RHOBTB2: variants seen among roughly 807,000 people sequenced by gnomAD.
The protein encoded by RHOBTB2 is rho-related BTB domain-containing protein 2.
RHOBTB2 carries 39 observed loss-of-function variants against 66.5 expected under a neutral mutation model. The ratio of observed to expected loss-of-function variants is 0.59; its 90% CI spans 0.45 to 0.77. The LOEUF is 0.77. Ranked by LOEUF, RHOBTB2 falls within the 30% of genes least tolerant of loss-of-function variation. The pLI, the probability that RHOBTB2 is intolerant of heterozygous loss-of-function variation, is 0.00. For missense variants in RHOBTB2, 755 were observed against 999.1 expected, an observed-to-expected ratio of 0.76 and a Z score of 3.29; for synonymous variants, 390 against 395.0, an observed-to-expected ratio of 0.99 and a Z score of 0.15.
chr8:23,004,371 C>T lies in RHOBTB2; in HGVS notation c.-10-54C>T. On this transcript the variant is annotated intron_variant, in intron 1 of 9. Coordinates refer to ENST00000251822, the MANE Select transcript of RHOBTB2 (RefSeq NM_015178.3). This position sits in a 1 kb window ranked among gnomAD's most constrained non-coding sequence, Gnocchi z 6.4. Reference sequence around the variant, plus strand: ...GAGAGCTGCGGGTGCTGGCCCTGGCCCACGGCGAGCTGGCATGCCATGCCG... The same window carrying T: ...GAGAGCTGCGGGTGCTGGCCCTGGCTCACGGCGAGCTGGCATGCCATGCCG... The T allele has an allele frequency of 1.3e-6, 2 of 1,507,954 alleles. No homozygotes were observed. Among genetic ancestry groups the T allele is most frequent in the Non-Finnish European group, 1.8e-6 (2 of 1,085,762 alleles). 93.4% of individuals were successfully genotyped at this position (1,507,954 alleles called of 1,614,324 possible).
upstream of RHOBTB2, among the ~76,000 whole-genome samples, chr8:22,996,553 G>T (rs940394084): frequency 7.0e-4 from 85 of 120,884 alleles, no homozygotes; most frequent in African/African-American, 3.0e-3. Flanking sequence ...GTGTGTGTGT[G>T]TGTGTGTGTG....
At chr8:22,975,474 C>T in the RHOBTB2 span, among the ~76,000 whole-genome samples, 446 of 152,196 alleles carry the variant, frequency 2.9e-3, 3 homozygotes, top group Middle Eastern at 0.017. Context: ...TTGGTGCATG[C>T]GGTGTGTTTC....
the RHOBTB2 span, among the ~76,000 whole-genome samples, chr8:22,952,077 G>A: frequency 1.3e-5 from 2 of 152,154 alleles, no homozygotes; most frequent in East Asian, 1.9e-4. Context: ...CCTTCACCAG[G>A]CATTCCCTAC....
At chr8:22,993,356 G>A (rs1810470400) in intron 2 of RHOBTB2, among the ~76,000 whole-genome samples, 1 of 152,108 alleles carries the variant, frequency 6.6e-6, no homozygotes, top group Non-Finnish European at 1.5e-5. Context: ...TGGGGGATTA[G>A]GCCCTTACTC....
chr8:22,956,589 A>G, the RHOBTB2 span, among the ~76,000 whole-genome samples: 12 of 152,298 alleles, frequency 7.9e-5, no homozygotes, highest in Admixed American at 4.6e-4. Context: ...CTTCCTGTAC[A>G]GCCTGTGGAA....
At chr8:22,971,754 T>C in the RHOBTB2 span, among the ~76,000 whole-genome samples, 2 of 152,194 alleles carry the variant, frequency 1.3e-5, no homozygotes, top group Admixed American at 6.5e-5. Context: ...GTCTATCCTT[T>C]GAATGTGACT....
chr8:22,960,963 G>A, the RHOBTB2 span, among the ~76,000 whole-genome samples: 1 of 152,168 alleles, frequency 6.6e-6, no homozygotes, highest in East Asian at 1.9e-4. Context: ...TTGTTAGCCT[G>A]CTTGTAACCA....
At chr8:22,994,758 A>G (rs1810502533), upstream of RHOBTB2, 1 of 715,094 alleles carries the variant, frequency 1.4e-6, no homozygotes, top group Non-Finnish European at 2.4e-6. Context: ...CTAGACCAAC[A>G]TAAAAAAAAA....
chr8:22,963,722 C>T, the RHOBTB2 span, among the ~76,000 whole-genome samples: 1 of 151,862 alleles, frequency 6.6e-6, no homozygotes, highest in Admixed American at 6.6e-5. Flanking sequence ...TGGATGGTGG[C>T]AGGCAAAAAA....
the RHOBTB2 span, among the ~76,000 whole-genome samples, chr8:22,975,478 G>A: frequency 2.0e-5 from 3 of 152,192 alleles, no homozygotes; most frequent in Admixed American, 2.0e-4. Context: ...TGCATGCGGT[G>A]TGTTTCATGT....
intron 9 of RHOBTB2, among the ~76,000 whole-genome samples, chr8:23,016,131 A>G (rs957442854): frequency 6.6e-6 from 1 of 152,214 alleles, no homozygotes; most frequent in Admixed American, 6.5e-5. Context: ...GAATGGGTAC[A>G]GGCCACAGCT....
rs2128803423 is a variant in RHOBTB2, at chr8:23,004,699, T to C, written c.192+73T>C. ...GCTTGGGGGCTTCCTGAGGCATAGC[T>C]TGGTGTCTCCAGAGCTCACGGGAGC... On this transcript the variant is annotated intron_variant, in intron 2 of 9. Transcript: ENST00000251822. The surrounding 1 kb of genome is among the most constrained non-coding windows in gnomAD (Gnocchi z 6.4). The C allele has an allele frequency of 1.2e-5, 17 of 1,433,654 alleles. No homozygotes were observed. The South Asian group carries it at 1.6e-4, about 13-fold the overall frequency. 88.8% of individuals were successfully genotyped at this position (1,433,654 alleles called of 1,614,324 possible). A position where few individuals can be genotyped will look rare whatever the true frequency, so the allele number is the denominator to read the frequency against.
chr8:22,983,704 T>C (rs534479175), upstream of RHOBTB2, among the ~76,000 whole-genome samples: 2 of 152,250 alleles, frequency 1.3e-5, no homozygotes, highest in African/African-American at 4.8e-5. Flanking sequence ...TTTCACATAC[T>C]TTGGATGGTT....
At chr8:22,956,244 G>A in the RHOBTB2 span, among the ~76,000 whole-genome samples, 8 of 152,256 alleles carry the variant, frequency 5.3e-5, no homozygotes, top group East Asian at 1.9e-4. Flanking sequence ...AAGTTTTCCC[G>A]TTATTGTCTT....
At chr8:22,990,960 C>T (rs530513816) in intron 1 of RHOBTB2, among the ~76,000 whole-genome samples, 83 of 152,174 alleles carry the variant, frequency 5.5e-4, no homozygotes, top group African/African-American at 1.8e-3. Context: ...GAGGCTGTGT[C>T]GGGGGGAATA....
chr8:22,990,960 C>CG (rs1369470197), intron 1 of RHOBTB2, among the ~76,000 whole-genome samples: 2 of 152,056 alleles, frequency 1.3e-5, no homozygotes, highest in Non-Finnish European at 2.9e-5. Context: ...GAGGCTGTGT[C>CG]GGGGGGAATA....
chr8:23,005,538 A>G lies in RHOBTB2; in HGVS notation c.296+63A>G, dbSNP rs1042191418. On this transcript the variant is annotated intron_variant, in intron 3 of 9. Transcript: ENST00000251822. ...GGGTGGGTTTTTCCCTGCTTTTCCC[A>G]GGAACAAAGCACCTCTGTGAAATTT... The G allele has an allele frequency of 1.4e-5, 15 of 1,099,940 alleles. No homozygotes were observed. In the Admixed American group the frequency reaches 2.4e-4, roughly 18 times the overall value. 68.1% of individuals were successfully genotyped at this position (1,099,940 alleles called of 1,614,324 possible).
At chr8:22,968,774 A>G in the RHOBTB2 span, among the ~76,000 whole-genome samples, 9 of 102,592 alleles carry the variant, frequency 8.8e-5, no homozygotes, top group African/African-American at 3.8e-4. Flanking sequence ...AGACGCTGGG[A>G]CAACTGACTA....
chr8:23,014,652 G>A (rs538301806), intron 7 of RHOBTB2, 38 bp from the exon 8 acceptor site: 2 of 1,583,822 alleles, frequency 1.3e-6, no homozygotes, highest in South Asian at 2.2e-5. Flanking sequence ...CACAGGTCAT[G>A]TGCTTCTTCA....
Sources: allele counts gnomAD v4.1 joint callset (sites outside exome capture counted in the v4.1 genomes callset), GRCh38; gene constraint gnomAD v4.1.1; non-coding constraint Gnocchi (gnomAD v3.1); transcripts MANE v1.5; gene names NCBI Gene and HGNC (gene_info 2026-07-23, HGNC 2026-07-21).